The following DDX50 variants were observed in gnomAD, a reference collection of about 807,000 sequenced individuals.
The protein encoded by DDX50 is DExD-box helicase 50.
DDX50 carries 56 observed loss-of-function variants against 94.8 expected under a neutral mutation model. That is an observed-to-expected ratio of 0.59 (90% CI 0.48 to 0.74). DDX50 has a LOEUF of 0.74. Among genes scored for constraint, DDX50 ranks in the 30% least tolerant of loss-of-function variants. The pLI, the probability that DDX50 is intolerant of heterozygous loss-of-function variation, is 0.00. For missense variants in DDX50, 713 were observed against 881.2 expected (o/e 0.81, Z 2.42); for synonymous variants, 264 against 295.4 (o/e 0.89, Z 1.09).
chr10:68,910,027 C>T (rs1250230174), intron 2 of DDX50, among the ~76,000 whole-genome samples: 1 of 151,954 alleles, frequency 6.6e-6, no homozygotes, highest in Non-Finnish European at 1.5e-5. Context: ...CCTGTCTCTA[C>T]AAAAAATAAA....
At chr10:68,930,198 A>G (rs925182059) in intron 8 of DDX50, among the ~76,000 whole-genome samples, 2 of 139,412 alleles carry the variant, frequency 1.4e-5, no homozygotes, top group Non-Finnish European at 3.0e-5. Flanking sequence ...GCTCACTGCA[A>G]CTTCTGCCTC....
intron 8 of DDX50, among the ~76,000 whole-genome samples, chr10:68,930,749 G>A (rs918766033): frequency 6.6e-6 from 1 of 152,174 alleles, no homozygotes; most frequent in Non-Finnish European, 1.5e-5. Flanking sequence ...AACTGCGTGG[G>A]CCAAAGTGAT....
At chr10:68,905,309 G>A (rs1017618606) in intron 1 of DDX50, among the ~76,000 whole-genome samples, 12 of 147,878 alleles carry the variant, frequency 8.1e-5, no homozygotes, top group Non-Finnish European at 1.6e-4. Context: ...AATTGAAGTT[G>A]AAAAATAGTG....
chr10:68,946,342 C>T lies in DDX50; in HGVS notation c.1936-10C>T. On this transcript the variant is annotated splice_polypyrimidine_tract_variant and intron_variant, in intron 14 of 14. Transcript: ENST00000373585. ...TGCATTTATATTAATCCTGTAAATT[C>T]CCCTAACAGGCAGAGTGGCATGATT... The T allele has an allele frequency of 1.9e-6, 3 of 1,597,802 alleles. No individual in the cohort carries two copies. The highest frequency in any genetic ancestry group is 2.6e-6 in the Non-Finnish European group (3 of 1,170,356).
chr10:68,941,032 A>G, intron 12 of DDX50, 28 bp from the exon 13 acceptor site: 1 of 1,589,174 alleles, frequency 6.3e-7, no homozygotes, highest in South Asian at 1.2e-5. Context: ...ATTTATTTCC[A>G]AACATAATGT....
intron 1 of DDX50, among the ~76,000 whole-genome samples, chr10:68,903,263 G>A (rs1362821427): frequency 1.3e-5 from 2 of 152,134 alleles, no homozygotes; most frequent in Non-Finnish European, 2.9e-5. Flanking sequence ...CGGGTGCGGT[G>A]GCTCATGCCT....
At chr10:68,903,392 GC>G (rs1406213889) in intron 1 of DDX50, among the ~76,000 whole-genome samples, 1 of 151,692 alleles carries the variant, frequency 6.6e-6, no homozygotes, top group Non-Finnish European at 1.5e-5. Context: ...ATTGGGCCGG[GC>G]ATGGTGACTC....
At chr10:68,939,977 A>G (rs72801585) in intron 12 of DDX50, among the ~76,000 whole-genome samples, 28 of 152,090 alleles carry the variant, frequency 1.8e-4, no homozygotes, top group Non-Finnish European at 3.7e-4. Flanking sequence ...CGTAGGGCGC[A>G]CTCAATAAAT....
chr10:68,941,725 T>C (rs1273249451), intron 13 of DDX50, among the ~76,000 whole-genome samples: 1 of 152,096 alleles, frequency 6.6e-6, no homozygotes, highest in Non-Finnish European at 1.5e-5. Flanking sequence ...CTGCAACCTA[T>C]GCCTCCTGGG....
chr10:68,935,585 A>G (rs560707698), intron 10 of DDX50, among the ~76,000 whole-genome samples: 1 of 152,332 alleles, frequency 6.6e-6, no homozygotes, highest in African/African-American at 2.4e-5. Context: ...CTGTAATCCC[A>G]GCACTTTGGG....
intron 8 of DDX50, among the ~76,000 whole-genome samples, chr10:68,925,270 A>ATT (rs78283932): frequency 1.4e-5 from 2 of 145,504 alleles, no homozygotes; most frequent in Admixed American, 6.9e-5. Flanking sequence ...TGCCCAACTA[A>ATT]TTTTTTTTTT....
At chr10:68,930,880 T>C (rs368192406) in intron 8 of DDX50, among the ~76,000 whole-genome samples, 7 of 152,014 alleles carry the variant, frequency 4.6e-5, no homozygotes, top group East Asian at 1.9e-4. Flanking sequence ...ATTGAACTAC[T>C]GGGCTCCAGC....
intron 8 of DDX50, among the ~76,000 whole-genome samples, chr10:68,929,017 C>G (rs1394504263): frequency 1.3e-5 from 2 of 151,700 alleles, no homozygotes; most frequent in African/African-American, 4.8e-5. Context: ...GGCGCGATCT[C>G]GGCTCACTGC....
chr10:68,910,181 T>G, intron 2 of DDX50, 126 bp from the exon 3 acceptor site: 1 of 825,000 alleles, frequency 1.2e-6, no homozygotes, highest in East Asian at 2.7e-5. Flanking sequence ...AGTGGGACCC[T>G]GTTTCAAAAA....
chr10:68,934,992 C>G lies in DDX50; in HGVS notation c.1521+74C>G. 1 of 1,498,984 alleles carries G rather than the reference C, an allele frequency of 6.7e-7. No individual in the cohort carries two copies. Among genetic ancestry groups the G allele is most frequent in the Non-Finnish European group, 8.9e-7 (1 of 1,122,470 alleles). The allele number at this position is 1,498,984 out of a possible 1,614,324, so 92.9% of individuals were successfully genotyped here. On this transcript the variant is annotated intron_variant, in intron 10 of 14. Transcript: ENST00000373585. The surrounding 1 kb of genome is among the most constrained non-coding windows in gnomAD (Gnocchi z 4.0). ...AAAGAGAGCTCTTCTTATATTTATT[C>G]TTACAAGTAGGTCTTCATAACTTTT...
At position 68,901,390 on chromosome 10, in the gene DDX50, T is replaced by A; in HGVS notation, c.6T>A (p.Pro2=). ...GGAGGCGGCGGTGGCCAGTAATGCC[T>A]GGGAAACTCCTCTGGGGGGACATTA... The part of the protein sequence containing the change: M[P]GKLLWGDIME... The change falls in exon 1 of 15, where the codon CCT becomes CCA. Residue 2 remains proline, a synonymous_variant. Coordinates refer to ENST00000373585, the MANE Select transcript of DDX50 (RefSeq NM_024045.2). 6.4e-7 allele frequency: 1 copy of A among 1,550,654 alleles called. No homozygotes were observed. The highest frequency in any genetic ancestry group is 8.7e-7 in the Non-Finnish European group (1 of 1,148,126).
intron 14 of DDX50, among the ~76,000 whole-genome samples, chr10:68,945,306 AACAT>A (rs941757457): frequency 9.7e-5 from 12 of 123,260 alleles, no homozygotes; most frequent in Non-Finnish European, 2.1e-4. Context: ...TCTTAATAAC[AACAT>A]TTTTTTTTTT....
intron 8 of DDX50, among the ~76,000 whole-genome samples, chr10:68,923,195 T>A (rs2132040198): frequency 7.2e-6 from 1 of 137,964 alleles, no homozygotes; most frequent in African/African-American, 2.7e-5. Flanking sequence ...ATTATTTATA[T>A]ATTTAATATA....
chr10:68,929,303 CT>C (rs1227071650), intron 8 of DDX50, among the ~76,000 whole-genome samples: 5,438 of 103,214 alleles, frequency 0.053, 322 homozygotes, highest in African/African-American at 0.16. Context: ...CTCTCTCTCT[CT>C]CTCTCTCTCT....
Sources: gnomAD v4.1 joint callset for allele counts (sites outside exome capture counted in the v4.1 genomes callset) on GRCh38, gnomAD v4.1.1 for gene constraint, Gnocchi (gnomAD v3.1) non-coding constraint, MANE v1.5 for transcripts, NCBI Gene and HGNC (gene_info 2026-07-23, HGNC 2026-07-21) for gene names.